The following SLC8A1 variants were observed in gnomAD, a reference collection of about 807,000 sequenced individuals.
SLC8A1 encodes solute carrier family 8 member A1, also known as sodium/calcium exchanger 1.
In SLC8A1, 18 loss-of-function variants were observed where a neutral mutation model predicts 68.3. That is an observed-to-expected ratio of 0.26 (90% CI 0.18 to 0.39). The LOEUF (loss-of-function observed/expected upper bound fraction) is 0.39. Ranked by LOEUF, SLC8A1 falls within the 10% of genes least tolerant of loss-of-function variation. The probability of loss-of-function intolerance (pLI) is 1.00; values close to 1 mark genes in which losing one functional copy is unlikely to be tolerated. For synonymous variants in SLC8A1, 475 were observed against 415.5 expected (o/e 1.14, Z -1.74); for missense variants, 985 against 1,156.7 (o/e 0.85, Z 2.15).
In SLC8A1 at chr2:40,386,044, T is replaced by G. The variant is rs182332384; in HGVS notation, c.1808+42429A>C. On this transcript the variant is annotated intron_variant, in intron 2 of 7. Coordinates refer to ENST00000406785, the Ensembl canonical transcript of SLC8A1. The stretch of plus-strand genomic sequence containing the variant: ...TTTTCTTTATTGAACTGGTATTGCT[T>G]TTGAGCTCCAAATAAATGCTACTAT... 1.9e-3 allele frequency among the ~76,000 whole-genome samples: 290 copies of G among 151,422 alleles called. 21 individuals are homozygous for G. Among genetic ancestry groups the G allele is most frequent in the African/African-American group, 6.5e-3 (265 of 40,858 alleles).
chr2:40,154,029 G>C (rs1329142143), intron 6 of SLC8A1, among the ~76,000 whole-genome samples: 1 of 152,158 alleles, frequency 6.6e-6, no homozygotes, highest in Admixed American at 6.5e-5. Context: ...GGAACACCTA[G>C]GATTGAGCTG....
chr2:40,498,742 A>G (rs74485724), intron 1 of SLC8A1, among the ~76,000 whole-genome samples: 1 of 152,100 alleles, frequency 6.6e-6, no homozygotes, highest in Admixed American at 6.6e-5. Flanking sequence ...GGATGAAGAT[A>G]TAAAATCCAT....
intron 7 of SLC8A1, among the ~76,000 whole-genome samples, chr2:40,128,425 A>G (rs1269214686): frequency 6.6e-6 from 1 of 152,108 alleles, no homozygotes; most frequent in Non-Finnish European, 1.5e-5. Flanking sequence ...TCTCTTCCTA[A>G]TGGTTGTAAT....
chr2:40,263,827 A>T (rs776073784), intron 2 of SLC8A1, among the ~76,000 whole-genome samples: 1 of 152,228 alleles, frequency 6.6e-6, no homozygotes, highest in Non-Finnish European at 1.5e-5. Context: ...AGCAATGATA[A>T]CAAAAGCCAA....
intron 2 of SLC8A1, among the ~76,000 whole-genome samples, chr2:40,386,331 G>A (rs1683533668): frequency 6.6e-6 from 1 of 150,892 alleles, no homozygotes; most frequent in African/African-American, 2.5e-5. Flanking sequence ...ATGTGTGTGT[G>A]TATATAACAG....
chr2:40,253,831 CAAAAAAAAAAAAA>C (rs61434245), intron 2 of SLC8A1, among the ~76,000 whole-genome samples: 9 of 59,824 alleles, frequency 1.5e-4, no homozygotes, highest in East Asian at 5.5e-4. Context: ...TGTCTGTCTC[CAAAAAAAAAAAAA>C]AAAAAAAAAA....
chr2:40,388,554 C>A (rs1407410270), intron 2 of SLC8A1, among the ~76,000 whole-genome samples: 1 of 152,164 alleles, frequency 6.6e-6, no homozygotes, highest in African/African-American at 2.4e-5. Flanking sequence ...TCACTCTATG[C>A]ATCTAAGCAA....
At chr2:40,152,362 G>A (rs2043595194) in intron 6 of SLC8A1, among the ~76,000 whole-genome samples, 1 of 152,114 alleles carries the variant, frequency 6.6e-6, no homozygotes, top group African/African-American at 2.4e-5. Flanking sequence ...GAGTTAATGT[G>A]AGGCAGAAGA....
intron 2 of SLC8A1, among the ~76,000 whole-genome samples, chr2:40,341,447 G>C (rs985824466): frequency 3.3e-5 from 5 of 152,168 alleles, no homozygotes; most frequent in African/African-American, 1.2e-4. Flanking sequence ...AAATGAGATA[G>C]TAGTTCTGGG....
chr2:40,358,822 A>G (rs889098451), intron 2 of SLC8A1, among the ~76,000 whole-genome samples: 4 of 152,200 alleles, frequency 2.6e-5, no homozygotes, highest in African/African-American at 9.6e-5. Context: ...ATGAATTTAC[A>G]ATGACACACT....
At chr2:40,221,557 A>G (rs2058333142) in intron 2 of SLC8A1, among the ~76,000 whole-genome samples, 1 of 152,172 alleles carries the variant, frequency 6.6e-6, no homozygotes. Flanking sequence ...GAAAGAAATA[A>G]AGGGTATTTG....
At chr2:40,223,222 T>C (rs879162831) in intron 2 of SLC8A1, among the ~76,000 whole-genome samples, 2 of 152,182 alleles carry the variant, frequency 1.3e-5, no homozygotes, top group Non-Finnish European at 2.9e-5. Flanking sequence ...TGCAGGGACA[T>C]GGATGAAGTT....
intron 2 of SLC8A1, among the ~76,000 whole-genome samples, chr2:40,211,355 C>T (rs964661238): frequency 9.9e-5 from 15 of 152,066 alleles, no homozygotes; most frequent in Non-Finnish European, 1.9e-4. Flanking sequence ...GCCAGTAGGA[C>T]TTCAAAATGT....
intron 2 of SLC8A1, among the ~76,000 whole-genome samples, chr2:40,193,137 T>C (rs566977787): frequency 2.5e-4 from 38 of 152,272 alleles, no homozygotes; most frequent in African/African-American, 9.1e-4. Context: ...AGCTTACATA[T>C]GTTTTAGATA....
intron 2 of SLC8A1, among the ~76,000 whole-genome samples, chr2:40,276,280 T>C (rs1010788682): frequency 2.6e-5 from 4 of 152,212 alleles, no homozygotes; most frequent in African/African-American, 9.6e-5. Context: ...TGGCTTCTTT[T>C]GGTGACCACA....
chr2:40,104,158 G>A (rs1019343612), exon 8 of SLC8A1: 11 of 152,194 alleles, frequency 7.2e-5, no homozygotes, highest in Non-Finnish European at 4.4e-5. Flanking sequence ...TGTCCTCAGA[G>A]ATGAAGAGTG....
chr2:40,365,198 C>A lies in SLC8A1; in HGVS notation c.1808+63275G>T, dbSNP rs184354149. Among the ~76,000 whole-genome samples, 327 of 151,650 alleles carry A rather than the reference C, an allele frequency of 2.2e-3. 5 individuals carry two copies. The highest frequency in any genetic ancestry group is 6.9e-3 in the Admixed American group (105 of 15,202). On this transcript the variant is annotated intron_variant, in intron 2 of 7. Coordinates refer to ENST00000406785, the Ensembl canonical transcript of SLC8A1. ...GTAGGCAGGAAAGATATTATACCCA[C>A]ATTTTACATATGACTAAACCAAAAA... is the stretch of plus-strand genomic sequence containing the variant.
intron 1 of SLC8A1, among the ~76,000 whole-genome samples, chr2:40,493,983 CT>C (rs1400413292): frequency 2.7e-5 from 4 of 149,712 alleles, no homozygotes; most frequent in Non-Finnish European, 5.9e-5. Context: ...ACATCATTTC[CT>C]TCTTCAAATA....
At chr2:40,512,414 C>G (rs1018978924) in exon 1 of SLC8A1, 1 of 152,234 alleles carries the variant, frequency 6.6e-6, no homozygotes, top group Non-Finnish European at 1.5e-5. Context: ...AGTATGATGC[C>G]TTCTCTAAAT....
Sources: gnomAD v4.1 joint callset for allele counts (sites outside exome capture counted in the v4.1 genomes callset) on GRCh38, gnomAD v4.1.1 for gene constraint, MANE v1.5 for transcripts, NCBI Gene and HGNC (gene_info 2026-07-23, HGNC 2026-07-21) for gene names.